PTCH1: variants seen among roughly 807,000 people sequenced by gnomAD.
PTCH1 encodes protein patched homolog 1.
Under a neutral mutation model 144.6 loss-of-function variants are expected in PTCH1, and 14 were observed. The observed-to-expected ratio is 0.10, with a 90% CI of 0.06 to 0.15. The LOEUF (loss-of-function observed/expected upper bound fraction) is 0.15. PTCH1 is among the 10% of genes least tolerant of loss of function. The pLI is 1.00. For synonymous variants in PTCH1, 833 were observed against 793.6 expected, an observed-to-expected ratio of 1.05 and a Z score of -0.83; for missense variants, 1,623 against 1,948.3, an observed-to-expected ratio of 0.83 and a Z score of 3.14.
At position 95,448,277 on chromosome 9, in the gene PTCH1, TTCTC is replaced by T. The variant is rs1410152338; in HGVS notation, c.3804+788_3804+791del. ...ACAATTCAGGTTATTTGGTTGGCCT[TTCTC>T]TCTTTCACGGAAGGGCTGCTCTGGC... On this transcript the variant is annotated intron_variant, in intron 22 of 23. Coordinates refer to ENST00000331920, the MANE Select transcript of PTCH1 (RefSeq NM_000264.5). 5.3e-5 allele frequency among the ~76,000 whole-genome samples: 8 copies of T among 152,320 alleles called. 1 individual carries two copies. In the East Asian group the frequency reaches 1.4e-3, roughly 26 times the overall value.
Position 95,447,192 on chromosome 9 carries a change from G to A in PTCH1, c.4064C>T (p.Thr1355Ile), listed in dbSNP as rs779482395. ...RSHNPRNPAS[T>I]AMGSSVPGYC... ...GCCGGGCACGGAGCTGCCCATGGCA[G>A]TGGACGCTGGGTTCCGAGGGTTGTG... Residue 1355 changes from threonine (T) to isoleucine (I), a missense_variant, in exon 23 of 24, where the codon ACT becomes ATT. Coordinates refer to ENST00000331920, the MANE Select transcript of PTCH1 (RefSeq NM_000264.5). 6.2e-7 allele frequency: 1 copy of A among 1,613,036 alleles called. No individual in the cohort carries two copies. The highest frequency in any genetic ancestry group is 2.2e-5 in the East Asian group (1 of 44,876).
chr9:95,502,090 A>G (rs117770860), intron 2 of PTCH1, among the ~76,000 whole-genome samples: 2,384 of 152,118 alleles, frequency 0.016, 50 homozygotes, highest in African/African-American at 0.044. Flanking sequence ...ACGACCCACA[A>G]AGGGAGGCTG....
At chr9:95,483,893 G>A (rs555362332) in intron 3 of PTCH1, 1 of 152,302 alleles carries the variant, frequency 6.6e-6, no homozygotes, top group Non-Finnish European at 1.5e-5. Context: ...ACATCATTGT[G>A]CATTAGAAAA....
At chr9:95,486,567 T>G (rs773798439) in intron 2 of PTCH1, among the ~76,000 whole-genome samples, 6 of 152,212 alleles carry the variant, frequency 3.9e-5, no homozygotes, top group Non-Finnish European at 8.8e-5. Context: ...CAGCCTGTTT[T>G]CCGGAAGCAC....
chr9:95,473,013 AGAG>A (rs1840717474), intron 12 of PTCH1, among the ~76,000 whole-genome samples: 1 of 152,242 alleles, frequency 6.6e-6, no homozygotes, highest in East Asian at 1.9e-4. Flanking sequence ...GGACACATGC[AGAG>A]GAGGTTCCAC....
chr9:95,516,744 G>T, exon 1 of PTCH1: 2 of 1,613,160 alleles, frequency 1.2e-6, no homozygotes, highest in Non-Finnish European at 1.7e-6. Context: ...ACCCCGGCGC[G>T]CTGGGCCGCC....
chr9:95,478,329 G>A, intron 8 of PTCH1, 143 bp from the exon 9 acceptor site: 1 of 1,302,646 alleles, frequency 7.7e-7, no homozygotes, highest in African/African-American at 1.5e-5. Context: ...TTCCAGGGCA[G>A]GGAGAGAAGC....
intron 1 of PTCH1, chr9:95,507,916 ACACG>A (rs1236303779): frequency 2.9e-5 from 40 of 1,385,976 alleles, no homozygotes; most frequent in Non-Finnish European, 3.5e-5. Context: ...ACACACACAC[ACACG>A]CACACACACA....
At chr9:95,479,294 G>A (rs1056725466) in intron 7 of PTCH1, 147 bp from the exon 8 acceptor site, 9 of 1,040,474 alleles carry the variant, frequency 8.6e-6, no homozygotes, top group Non-Finnish European at 1.3e-5. Context: ...AATGGGACCA[G>A]GATGGTTATT....
At position 95,449,755 on chromosome 9, in the gene PTCH1, G is replaced by A. The variant is rs181797355; in HGVS notation, c.3549+86C>T. ...TGAAGAACCACCAGCAAGTGGGGAG[G>A]CACCTAAGTATCGAAGTGAAGAGCG... On this transcript the variant is annotated intron_variant, in intron 21 of 23. Coordinates refer to ENST00000331920, the MANE Select transcript of PTCH1 (RefSeq NM_000264.5). This position sits in a 1 kb window ranked among gnomAD's most constrained non-coding sequence, Gnocchi z 5.3. The A allele has an allele frequency of 1.9e-5, 23 of 1,214,062 alleles. No individual in the cohort carries two copies. Among genetic ancestry groups the A allele is most frequent in the Admixed American group, 1.7e-4 (9 of 53,702 alleles). The allele number at this position is 1,214,062 out of a possible 1,614,324, so 75.2% of individuals were successfully genotyped here.
Position 95,500,002 on chromosome 9 carries a change from C to A in PTCH1, c.394+6405G>T, listed in dbSNP as rs143708187. Among the ~76,000 whole-genome samples, 401 of 152,176 alleles carry A rather than the reference C, an allele frequency of 2.6e-3. 1 individual carries two copies. Among genetic ancestry groups the A allele is most frequent in the African/African-American group, 9.3e-3 (385 of 41,502 alleles). The stretch of plus-strand genomic sequence containing the variant: ...CCCGAGTGGACAGAGCCCAGGGTCA[C>A]AGGCAGGTCAGCTTTGAAGGAGAAA... On this transcript the variant is annotated intron_variant, in intron 2 of 23. Coordinates refer to ENST00000331920, the MANE Select transcript of PTCH1 (RefSeq NM_000264.5).
rs1837997051 is a variant in PTCH1, at chr9:95,447,142, T to C, written c.4114A>G (p.Thr1372Ala). The part of the protein sequence containing the change: ...PGYCQPITTV[T>A]ASASVTVAVH... ...GCGACAGTCACGGAGGCAGAAGCCG[T>C]CACAGTGGTGATGGGCTGGCAGTAG... Residue 1372 changes from threonine to alanine, a missense_variant, in exon 23 of 24, where the codon ACG (threonine) becomes GCG (alanine). By Grantham distance (58) the Thr-to-Ala change is moderately conservative. This residue lies in a region of PTCH1 where 291 missense variants were observed against 287.4 expected (regional missense o/e 1.01). Transcript: ENST00000331920. The C allele has an allele frequency of 1.2e-6, 2 of 1,613,056 alleles. No individual in the cohort carries two copies. Among genetic ancestry groups the C allele is most frequent in the African/African-American group, 1.3e-5 (1 of 74,888 alleles).
At chr9:95,492,780 C>T (rs1021493849) in intron 2 of PTCH1, among the ~76,000 whole-genome samples, 11 of 151,454 alleles carry the variant, frequency 7.3e-5, no homozygotes, top group African/African-American at 2.7e-4. Context: ...AAAGTACAAC[C>T]ATGTTGCATC....
rs778871628 is a variant in PTCH1 at position 95,480,174 on chromosome 9, G to A, written c.946-84C>T. The A allele has an allele frequency of 2.1e-5, 33 of 1,595,270 alleles. 1 individual carries two copies. Among genetic ancestry groups the A allele is most frequent in the Non-Finnish European group, 2.7e-5 (31 of 1,167,290 alleles). On this transcript the variant is annotated intron_variant, in intron 6 of 23. Transcript: ENST00000331920. The stretch of plus-strand genomic sequence containing the variant: ...TTAAAATCCAGTGCATTAAGGGCTT[G>A]TGTGTTTCAGAGAGAACATTAATAG...
intron 9 of PTCH1, 140 bp from the exon 10 acceptor site, chr9:95,477,842 C>T (rs1841190451): frequency 6.9e-7 from 1 of 1,449,908 alleles, no homozygotes; most frequent in Non-Finnish European, 9.4e-7. Context: ...TCAAGGGCGT[C>T]ACATAAAATG....
chr9:95,488,702 G>C (rs867159084), intron 2 of PTCH1, among the ~76,000 whole-genome samples: 39 of 152,214 alleles, frequency 2.6e-4, no homozygotes, highest in Non-Finnish European at 1.5e-4. Flanking sequence ...ATGCTGGTCA[G>C]TGAAGGGAAC....
rs891032185 is a variant in PTCH1 at position 95,485,747 on chromosome 9, C to G, written c.522G>C (p.Ala174=). The G allele has an allele frequency of 1.2e-6, 2 of 1,614,124 alleles. No homozygotes were observed. The highest frequency in any genetic ancestry group is 2.2e-5 in the South Asian group (2 of 91,070). The change falls in exon 3 of 24, where the codon GCG becomes GCC. Residue 174 remains alanine, a synonymous_variant. Transcript: ENST00000331920. ...GTGCCGAGTCCAGGTGTTGTAGGAGCGCTTCTGTGGTCAGGACATTAGCAC... is the reference window on the plus strand; with the variant it reads ...GTGCCGAGTCCAGGTGTTGTAGGAGGGCTTCTGTGGTCAGGACATTAGCAC... ...EEGANVLTTE[A]LLQHLDSALQ...
At chr9:95,506,380 C>T (rs1564087778) in intron 2 of PTCH1, 27 bp downstream of exon 2, 4 of 1,605,590 alleles carry the variant, frequency 2.5e-6, no homozygotes, top group East Asian at 4.5e-5. Flanking sequence ...GGGCCGGGGG[C>T]GCGGGCGCCG....
rs1225179853 is a variant in PTCH1, at chr9:95,476,307, C to A, written c.1603-148G>T. The A allele has an allele frequency of 3.7e-6, 4 of 1,086,062 alleles. No individual in the cohort carries two copies. The Admixed American group carries it at 8.0e-5, about 22-fold the overall frequency. The allele number at this position is 1,086,062 out of a possible 1,614,324, so 67.3% of individuals were successfully genotyped here. On this transcript the variant is annotated intron_variant, in intron 11 of 23. Coordinates refer to ENST00000331920, the MANE Select transcript of PTCH1 (RefSeq NM_000264.5). The surrounding 1 kb of genome is among the most constrained non-coding windows in gnomAD (Gnocchi z 4.6). ...TAGGGAAACAGAGCCACCTGCCTTACCCCCTAACACCAGCATTATTCAGTA... is the reference window on the plus strand; with the variant it reads ...TAGGGAAACAGAGCCACCTGCCTTAACCCCTAACACCAGCATTATTCAGTA...
Sources: allele counts gnomAD v4.1 joint callset (sites outside exome capture counted in the v4.1 genomes callset), GRCh38; gene constraint gnomAD v4.1.1; regional missense constraint gnomAD v4.1.1; non-coding constraint Gnocchi (gnomAD v3.1); transcripts MANE v1.5; gene names NCBI Gene and HGNC (gene_info 2026-07-23, HGNC 2026-07-21).